Variants in B3GAT2 observed in about 807,000 individuals in gnomAD.
B3GAT2 encodes galactosylgalactosylxylosylprotein 3-beta-glucuronosyltransferase 2.
A neutral mutation model predicts 27.8 loss-of-function variants in B3GAT2; 26 were observed. The ratio of observed to expected loss-of-function variants is 0.93; its 90% confidence interval spans 0.68 to 1.30. The LOEUF is 1.30. Ranked by LOEUF, B3GAT2 falls within the 50% of genes most tolerant of loss-of-function variation. B3GAT2 has a pLI of 0.00. For synonymous variants in B3GAT2, 218 were observed against 195.1 expected, an observed-to-expected ratio of 1.12 and a Z score of -0.98; for missense variants, 458 against 459.0, an observed-to-expected ratio of 1.00 and a Z score of 0.02.
intron 1 of B3GAT2, among the ~76,000 whole-genome samples, chr6:70,920,143 C>T (rs1772843496): frequency 6.6e-6 from 1 of 152,208 alleles, no homozygotes; most frequent in African/African-American, 2.4e-5. Flanking sequence ...CGCCGCTCCC[C>T]ACCCACCAAG....
At chr6:70,909,394 G>A (rs1003089506) in intron 1 of B3GAT2, among the ~76,000 whole-genome samples, 1 of 152,216 alleles carries the variant, frequency 6.6e-6, no homozygotes, top group African/African-American at 2.4e-5. Flanking sequence ...GAAAGCTACT[G>A]TGGCTTTATT....
At chr6:70,927,380 G>A (rs1052666671) in intron 1 of B3GAT2, among the ~76,000 whole-genome samples, 2 of 152,134 alleles carry the variant, frequency 1.3e-5, no homozygotes, top group South Asian at 2.1e-4. Context: ...ACACAGACTG[G>A]CAAATTGGAT....
chr6:70,916,908 C>T (rs1772782900), intron 1 of B3GAT2, among the ~76,000 whole-genome samples: 1 of 152,046 alleles, frequency 6.6e-6, no homozygotes, highest in Non-Finnish European at 1.5e-5. Context: ...TGATGTTGGC[C>T]TTATAAAATG....
intron 1 of B3GAT2, among the ~76,000 whole-genome samples, chr6:70,946,729 A>C (rs1349717765): frequency 6.6e-6 from 1 of 152,126 alleles, no homozygotes; most frequent in Non-Finnish European, 1.5e-5. Context: ...CACCAAGCGG[A>C]CCTAATACAC....
intron 1 of B3GAT2, among the ~76,000 whole-genome samples, chr6:70,926,237 G>C (rs540100278): frequency 6.6e-6 from 1 of 151,758 alleles, no homozygotes; most frequent in Non-Finnish European, 1.5e-5. Flanking sequence ...GAGTAGAAAA[G>C]CCAAAAATTT....
intron 2 of B3GAT2, among the ~76,000 whole-genome samples, chr6:70,890,199 C>T (rs1235229277): frequency 6.6e-6 from 1 of 152,142 alleles, no homozygotes; most frequent in Non-Finnish European, 1.5e-5. Flanking sequence ...CCCCTTCTCT[C>T]CAGTGACCTC....
chr6:70,930,099 C>T (rs1773035098), intron 1 of B3GAT2, among the ~76,000 whole-genome samples: 1 of 152,162 alleles, frequency 6.6e-6, no homozygotes, highest in Non-Finnish European at 1.5e-5. Context: ...GGAAAAGATT[C>T]CCTACTTAAT....
intron 2 of B3GAT2, among the ~76,000 whole-genome samples, chr6:70,892,660 G>A (rs114486126): frequency 6.8e-4 from 104 of 152,264 alleles, no homozygotes; most frequent in African/African-American, 2.2e-3. Flanking sequence ...GGTCATCTCC[G>A]GCAGCTGCCT....
Position 70,912,272 on chromosome 6 carries a change from A to G in B3GAT2, c.592-18000T>C, listed in dbSNP as rs111695430. Among the ~76,000 whole-genome samples the G allele has an allele frequency of 9.3e-3, 1,414 of 152,086 alleles. 11 individuals are homozygous for G. Among genetic ancestry groups the G allele is most frequent in the Middle Eastern group, 0.048 (14 of 294 alleles). On this transcript the variant is annotated intron_variant, in intron 1 of 3. Coordinates refer to ENST00000230053, the MANE Select transcript of B3GAT2 (RefSeq NM_080742.3). Reference sequence around the variant, plus strand: ...TGCTGGCTGTGATTTTTTCACAGATAGCTCTTATTATTTTGAGGTATGTTC... The same window carrying G: ...TGCTGGCTGTGATTTTTTCACAGATGGCTCTTATTATTTTGAGGTATGTTC...
chr6:70,866,886 C>T (rs567465082), intron 2 of B3GAT2, among the ~76,000 whole-genome samples: 6 of 152,318 alleles, frequency 3.9e-5, no homozygotes, highest in Non-Finnish European at 8.8e-5. Flanking sequence ...ACACATGGAA[C>T]ATTATCACGA....
In B3GAT2 at chr6:70,894,274, T is replaced by C. The variant is rs1582360377; in HGVS notation, c.592-2A>G. The C allele has an allele frequency of 6.4e-7, 1 of 1,570,260 alleles. No individual in the cohort carries two copies. The highest frequency in any genetic ancestry group is 1.7e-4 in the Middle Eastern group (1 of 5,800). The stretch of plus-strand genomic sequence containing the variant: ...GGAGACCTTGCGGGTGGTTCGCATC[T>C]ATAAAAAGGGAAAAGACATGTGTTT... On this transcript the variant is annotated splice_acceptor_variant, in intron 1 of 3. Transcript: ENST00000230053. LOFTEE classifies it high-confidence loss of function.
chr6:70,912,415 T>C (rs1178244530), intron 1 of B3GAT2, among the ~76,000 whole-genome samples: 2 of 152,208 alleles, frequency 1.3e-5, no homozygotes, highest in Non-Finnish European at 2.9e-5. Flanking sequence ...GTTCTGTTCA[T>C]GTGATGAATC....
At position 70,940,653 on chromosome 6, in the gene B3GAT2, C is replaced by G. The variant is rs180905885; in HGVS notation, c.591+15186G>C. Among the ~76,000 whole-genome samples the G allele has an allele frequency of 5.3e-5, 8 of 152,258 alleles. No homozygotes were observed. In the East Asian group the frequency reaches 1.5e-3, roughly 29 times the overall value. ...ATTAAAAACCACACCTAGGGCCAGG[C>G]ACCGTGGCTCACACCTGTAATCCCA... is the stretch of plus-strand genomic sequence containing the variant. On this transcript the variant is annotated intron_variant, in intron 1 of 3. Coordinates refer to ENST00000230053, the MANE Select transcript of B3GAT2 (RefSeq NM_080742.3).
Position 70,858,248 on chromosome 6 carries a change from C to T in B3GAT2, c.*3415G>A. The T allele has an allele frequency of 3.6e-6, 4 of 1,105,772 alleles. No homozygotes were observed. Among genetic ancestry groups the T allele is most frequent in the South Asian group, 1.3e-5 (1 of 75,816 alleles). The allele number at this position is 1,105,772 out of a possible 1,614,324, so 68.5% of individuals were successfully genotyped here. A position where few individuals can be genotyped will look rare whatever the true frequency, so the allele number is the denominator to read the frequency against. On this transcript the variant is annotated 3_prime_UTR_variant, in exon 4 of 4. Transcript: ENST00000230053. ...CTCACAGGTAGGGGTCATTTACTTT[C>T]TAGCTTCTCCCAAATCAAACCAGAT...
intron 1 of B3GAT2, among the ~76,000 whole-genome samples, chr6:70,939,208 C>T (rs1178561292): frequency 2.7e-5 from 4 of 146,136 alleles, no homozygotes; most frequent in Non-Finnish European, 4.5e-5. Flanking sequence ...TACCATCTCA[C>T]ACCAGTTAGA....
In B3GAT2 at chr6:70,886,351, A is replaced by C. The variant is rs182296304; in HGVS notation, c.736+7777T>G. Among the ~76,000 whole-genome samples, 35 of 152,336 alleles carry C rather than the reference A, an allele frequency of 2.3e-4. No homozygotes were observed. In the East Asian group the frequency reaches 6.4e-3, roughly 28 times the overall value. On this transcript the variant is annotated intron_variant, in intron 2 of 3. Coordinates refer to ENST00000230053, the MANE Select transcript of B3GAT2 (RefSeq NM_080742.3). ...AGGATTCATGAAGAAAGAACACAGA[A>C]TGCTTCCAAATGCCTGATGCTTGGT...
chr6:70,865,908 G>A (rs1235762477), intron 2 of B3GAT2, among the ~76,000 whole-genome samples: 1 of 152,174 alleles, frequency 6.6e-6, no homozygotes, highest in African/African-American at 2.4e-5. Flanking sequence ...CCTGAAGTAT[G>A]TTTTCAGGCT....
At chr6:70,933,061 A>C (rs1773085912) in intron 1 of B3GAT2, among the ~76,000 whole-genome samples, 2 of 152,170 alleles carry the variant, frequency 1.3e-5, no homozygotes, top group African/African-American at 4.8e-5. Flanking sequence ...AGCCTCCCAA[A>C]GTGCTGGGAT....
chr6:70,856,756 T>C lies in B3GAT2; in HGVS notation c.*4907A>G, dbSNP rs1326486944. ...GGCACCATTTTACCTTCTACAATTG[T>C]TTGATTCCTATCTAATTTTATAACT... On this transcript the variant is annotated 3_prime_UTR_variant, in exon 4 of 4. Coordinates refer to ENST00000230053, the MANE Select transcript of B3GAT2 (RefSeq NM_080742.3). 3 of 1,220,176 alleles carry C rather than the reference T, an allele frequency of 2.5e-6. No homozygotes were observed. The highest frequency in any genetic ancestry group is 3.4e-6 in the Non-Finnish European group (3 of 894,598). The allele number at this position is 1,220,176 out of a possible 1,614,324, so 75.6% of individuals were successfully genotyped here.
Sources: allele counts gnomAD v4.1 joint callset (sites outside exome capture counted in the v4.1 genomes callset), GRCh38; gene constraint gnomAD v4.1.1; transcripts MANE v1.5; gene names NCBI Gene and HGNC (gene_info 2026-07-23, HGNC 2026-07-21).